SDK1: variants seen among roughly 807,000 people sequenced by gnomAD.
SDK1 encodes sidekick cell adhesion molecule 1, also known as protein sidekick-1.
SDK1 carries 157 observed loss-of-function variants against 245.5 expected under a neutral mutation model. The ratio of observed to expected loss-of-function variants is 0.64; its 90% CI spans 0.56 to 0.73. SDK1 has a LOEUF of 0.73. Among genes scored for constraint, SDK1 ranks in the 30% least tolerant of loss-of-function variants. The pLI is 0.00. For synonymous variants in SDK1, 1,647 were observed against 1,278.5 expected, an observed-to-expected ratio of 1.29 and a Z score of -6.15; for missense variants, 3,583 against 3,002.3, an observed-to-expected ratio of 1.19 and a Z score of -4.52.
At chr7:3,541,246 A>T (rs569210108) in intron 1 of SDK1, among the ~76,000 whole-genome samples, 1 of 152,384 alleles carries the variant, frequency 6.6e-6, no homozygotes, top group African/African-American at 2.4e-5. Context: ...ATTGTAAATT[A>T]GTCTGAGTGC....
intron 1 of SDK1, among the ~76,000 whole-genome samples, chr7:3,547,953 A>G (rs1468637326): frequency 6.6e-6 from 1 of 152,220 alleles, no homozygotes; most frequent in African/African-American, 2.4e-5. Context: ...AAGCATAGTC[A>G]GTGTCTTTTA....
intron 16 of SDK1, among the ~76,000 whole-genome samples, chr7:4,013,412 G>T (rs1314012849): frequency 6.6e-6 from 1 of 152,152 alleles, no homozygotes; most frequent in Non-Finnish European, 1.5e-5. Context: ...AGTGATATTG[G>T]GACAAGAACA....
chr7:3,627,188 C>T (rs547523035), intron 2 of SDK1, among the ~76,000 whole-genome samples: 2 of 152,258 alleles, frequency 1.3e-5, no homozygotes. Flanking sequence ...CTTGTCCTCC[C>T]CAAGTGCTGA....
chr7:4,125,507 A>G (rs1280318709), intron 25 of SDK1, among the ~76,000 whole-genome samples: 1 of 151,666 alleles, frequency 6.6e-6, no homozygotes, highest in African/African-American at 2.4e-5. Context: ...GGATGGATGG[A>G]TGGATGGAGA....
chr7:3,459,820 G>T (rs1360596408), intron 1 of SDK1, among the ~76,000 whole-genome samples: 1 of 152,106 alleles, frequency 6.6e-6, no homozygotes, highest in African/African-American at 2.4e-5. Context: ...CTCCAGTACT[G>T]TTTGAACTGA....
At chr7:3,625,942 C>CTTTTTTTT (rs3086084) in intron 2 of SDK1, among the ~76,000 whole-genome samples, 3 of 129,798 alleles carry the variant, frequency 2.3e-5, no homozygotes, top group African/African-American at 2.9e-5. Flanking sequence ...TCTTTTCTTT[C>CTTTTTTTT]TTTTTTTTTT....
chr7:3,904,295 A>G (rs1006649956), intron 5 of SDK1, among the ~76,000 whole-genome samples: 5 of 152,214 alleles, frequency 3.3e-5, no homozygotes, highest in Admixed American at 2.6e-4. Context: ...GAGAGGGGCA[A>G]TGGAAAGTGA....
At chr7:4,247,708 C>T (rs1211268128) in intron 44 of SDK1, among the ~76,000 whole-genome samples, 2 of 152,222 alleles carry the variant, frequency 1.3e-5, no homozygotes, top group African/African-American at 2.4e-5. Flanking sequence ...GTGTTTCCAG[C>T]ACTCACTGTG....
intron 4 of SDK1, among the ~76,000 whole-genome samples, chr7:3,675,531 C>A (rs538451137): frequency 3.3e-5 from 5 of 150,404 alleles, no homozygotes; most frequent in Non-Finnish European, 4.4e-5. Flanking sequence ...ATATGCTCCC[C>A]ATTACCTTTC....
intron 17 of SDK1, among the ~76,000 whole-genome samples, chr7:4,044,601 G>C (rs1788880733): frequency 1.3e-5 from 2 of 151,960 alleles, no homozygotes; most frequent in South Asian, 4.1e-4. Context: ...ATGCCACCAT[G>C]CCTGGCTACT....
At chr7:3,322,931 T>G (rs1779853443) in intron 1 of SDK1, among the ~76,000 whole-genome samples, 1 of 152,134 alleles carries the variant, frequency 6.6e-6, no homozygotes, top group Non-Finnish European at 1.5e-5. Context: ...CACCTCAGCC[T>G]TCCAAGTAGC....
At chr7:3,720,024 T>C (rs963660447) in intron 4 of SDK1, among the ~76,000 whole-genome samples, 1 of 151,158 alleles carries the variant, frequency 6.6e-6, no homozygotes, top group African/African-American at 2.4e-5. Flanking sequence ...ATCTTTGGGA[T>C]CTAAGACTAA....
Position 3,680,541 on chromosome 7 carries a change from C to A in SDK1, c.713+38436C>A, listed in dbSNP as rs368275120. Among the ~76,000 whole-genome samples the A allele has an allele frequency of 1.6e-4, 25 of 152,200 alleles. No individual in the cohort carries two copies. The South Asian group carries it at 4.8e-3, about 29-fold the overall frequency. Reference sequence around the variant, plus strand: ...TGACTATGCAGGTTTTGATATTGTACCATAGTTACATAAGGTTTTACTTTG... The same window carrying A: ...TGACTATGCAGGTTTTGATATTGTAACATAGTTACATAAGGTTTTACTTTG... On this transcript the variant is annotated intron_variant, in intron 4 of 44. Coordinates refer to ENST00000404826, the MANE Select transcript of SDK1 (RefSeq NM_152744.4).
chr7:3,614,331 G>A (rs1037814085), intron 1 of SDK1, among the ~76,000 whole-genome samples: 5 of 151,990 alleles, frequency 3.3e-5, no homozygotes, highest in Admixed American at 6.6e-5. Context: ...TCTAATGTTC[G>A]TTGTTAGAAT....
chr7:4,105,995 C>A (rs150729662), intron 22 of SDK1, among the ~76,000 whole-genome samples: 10 of 152,076 alleles, frequency 6.6e-5, no homozygotes, highest in Admixed American at 3.9e-4. Context: ...CTGTTCCAAT[C>A]GACATCTTTC....
chr7:4,165,203 A>G (rs1423829683), intron 32 of SDK1, among the ~76,000 whole-genome samples: 1 of 152,084 alleles, frequency 6.6e-6, no homozygotes, highest in Non-Finnish European at 1.5e-5. Flanking sequence ...TACTAAAAAT[A>G]CAAAAATTAG....
At chr7:3,454,342 A>G (rs1331122729) in intron 1 of SDK1, among the ~76,000 whole-genome samples, 1 of 151,610 alleles carries the variant, frequency 6.6e-6, no homozygotes, top group Non-Finnish European at 1.5e-5. Context: ...CCATTTAAAA[A>G]TGAACTTTTA....
intron 44 of SDK1, among the ~76,000 whole-genome samples, chr7:4,249,661 G>A (rs1787162612): frequency 6.6e-6 from 1 of 152,162 alleles, no homozygotes; most frequent in South Asian, 2.1e-4. Context: ...AGGTTTTTGA[G>A]TGGATAAAGC....
At chr7:4,016,826 A>C (rs1423151034) in intron 16 of SDK1, among the ~76,000 whole-genome samples, 1 of 152,182 alleles carries the variant, frequency 6.6e-6, no homozygotes, top group Admixed American at 6.5e-5. Context: ...GTGTTTCTCA[A>C]ACTGATTTAC....
Sources: allele counts gnomAD v4.1 joint callset (sites outside exome capture counted in the v4.1 genomes callset), GRCh38; gene constraint gnomAD v4.1.1; transcripts MANE v1.5; gene names NCBI Gene and HGNC (gene_info 2026-07-23, HGNC 2026-07-21).